The following GALNT14 variants were observed in gnomAD, a reference collection of about 807,000 sequenced individuals.
The protein encoded by GALNT14 is polypeptide N-acetylgalactosaminyltransferase 14, also known as UDP-GalNAc:polypeptide N-acetylgalactosaminyltransferase 14.
Under a neutral mutation model 77.5 loss-of-function variants are expected in GALNT14, and 60 were observed. That is an observed-to-expected ratio of 0.77 (90% CI 0.63 to 0.96). GALNT14 has a LOEUF of 0.96. GALNT14 is among the 40% of genes least tolerant of loss of function. The pLI is 0.00. For missense variants in GALNT14, 710 were observed against 731.0 expected, an observed-to-expected ratio of 0.97 and a Z score of 0.33; for synonymous variants, 280 against 281.7, an observed-to-expected ratio of 0.99 and a Z score of 0.06.
At chr2:31,077,391 C>T (rs1675869942) in intron 1 of GALNT14, among the ~76,000 whole-genome samples, 2 of 152,328 alleles carry the variant, frequency 1.3e-5, no homozygotes, top group South Asian at 2.1e-4. Flanking sequence ...CTACCATCTC[C>T]AGCAGTTTCT....
intron 2 of GALNT14, among the ~76,000 whole-genome samples, chr2:30,969,891 A>G (rs1668243222): frequency 6.6e-6 from 1 of 152,168 alleles, no homozygotes; most frequent in African/African-American, 2.4e-5. Flanking sequence ...GCTAACATTC[A>G]ATACGCATGG....
At chr2:30,945,942 C>T in intron 6 of GALNT14, 72 bp from the exon 7 acceptor site, 1 of 1,259,760 alleles carries the variant, frequency 7.9e-7, no homozygotes, top group Non-Finnish European at 1.2e-6. Context: ...TTGGGATGGC[C>T]TCGTGAGGGT....
At chr2:30,948,486 T>C (rs1333417039) in intron 6 of GALNT14, among the ~76,000 whole-genome samples, 2 of 152,228 alleles carry the variant, frequency 1.3e-5, no homozygotes, top group Admixed American at 6.5e-5. Context: ...ATGGAGACCA[T>C]GAGGGTAGTT....
chr2:31,028,901 G>A (rs895015342), intron 1 of GALNT14, among the ~76,000 whole-genome samples: 1 of 152,184 alleles, frequency 6.6e-6, no homozygotes, highest in African/African-American at 2.4e-5. Context: ...GCTGAGAGTA[G>A]CTTAAAGTTG....
At chr2:30,927,169 G>A (rs939617798) in intron 11 of GALNT14, among the ~76,000 whole-genome samples, 2 of 152,164 alleles carry the variant, frequency 1.3e-5, no homozygotes, top group Non-Finnish European at 2.9e-5. Flanking sequence ...ATCACCTGGT[G>A]TGGGGTCTTT....
the GALNT14 span, among the ~76,000 whole-genome samples, chr2:30,901,376 A>T: frequency 6.6e-6 from 1 of 152,016 alleles, no homozygotes; most frequent in Non-Finnish European, 1.5e-5. Flanking sequence ...TTCACTCAAC[A>T]CCACCATGAC....
Position 31,033,829 on chromosome 2 carries a change from C to A in GALNT14, c.130-40822G>T, listed in dbSNP as rs184930898. On this transcript the variant is annotated intron_variant, in intron 1 of 14. Transcript: ENST00000349752. The stretch of plus-strand genomic sequence containing the variant: ...GAACGCCCTCCCATGTTTTCAGCTG[C>A]CCATTCAACATTTCCACTTGGATGT... 9.8e-3 allele frequency among the ~76,000 whole-genome samples: 1,498 copies of A among 152,286 alleles called. 9 individuals carry two copies. The highest frequency in any genetic ancestry group is 0.02 in the Middle Eastern group (6 of 294).
chr2:31,083,286 G>T (rs369739161), intron 1 of GALNT14, among the ~76,000 whole-genome samples: 41 of 152,150 alleles, frequency 2.7e-4, no homozygotes, highest in Non-Finnish European at 3.5e-4. Flanking sequence ...GGATCAGAGG[G>T]GGGTGGAAGC....
chr2:30,923,056 CT>C (rs56163710), intron 13 of GALNT14, among the ~76,000 whole-genome samples: 3,401 of 116,354 alleles, frequency 0.029, 43 homozygotes, highest in African/African-American at 0.07. Flanking sequence ...ACAAACGTGC[CT>C]TTTTTTTTTT....
intron 2 of GALNT14, among the ~76,000 whole-genome samples, chr2:30,986,609 G>T (rs767963165): frequency 1.3e-5 from 2 of 152,140 alleles, no homozygotes; most frequent in Non-Finnish European, 2.9e-5. Flanking sequence ...TGTAATTGTG[G>T]TTTTTTCCAC....
At chr2:31,072,944 A>G (rs1012741347) in intron 1 of GALNT14, 7 of 152,206 alleles carry the variant, frequency 4.6e-5, no homozygotes, top group Middle Eastern at 3.2e-3. Flanking sequence ...GATGCACAGA[A>G]GATGTCAACA....
intron 14 of GALNT14, among the ~76,000 whole-genome samples, chr2:30,911,490 CAG>C (rs1408232286): frequency 2.6e-5 from 4 of 152,138 alleles, no homozygotes; most frequent in African/African-American, 9.7e-5. Flanking sequence ...CGGGCCAGAG[CAG>C]AGAGGCAGGT....
intron 6 of GALNT14, among the ~76,000 whole-genome samples, chr2:30,954,058 T>A (rs1022227498): frequency 1.3e-5 from 2 of 152,068 alleles, no homozygotes; most frequent in African/African-American, 4.8e-5. Context: ...GTAGTGATCC[T>A]AGCTGGCCAC....
downstream of GALNT14, among the ~76,000 whole-genome samples, chr2:30,910,195 A>G (rs1664275167): frequency 6.6e-6 from 1 of 151,922 alleles, no homozygotes; most frequent in Admixed American, 6.6e-5. Context: ...ATGTACCCTA[A>G]AACTTAAAGT....
intron 2 of GALNT14, among the ~76,000 whole-genome samples, chr2:30,989,510 T>C (rs1364016038): frequency 6.9e-6 from 1 of 144,422 alleles, no homozygotes; most frequent in African/African-American, 2.6e-5. Flanking sequence ...CCTGTAATAA[T>C]AGCAACAACT....
chr2:30,966,491 C>T (rs1668015922), intron 2 of GALNT14, among the ~76,000 whole-genome samples, 189 bp from the exon 3 acceptor site: 1 of 152,150 alleles, frequency 6.6e-6, no homozygotes, highest in Admixed American at 6.5e-5. Flanking sequence ...TGGGGAGCTC[C>T]AAGAATGACT....
At chr2:30,923,300 G>A (rs948391214) in intron 13 of GALNT14, among the ~76,000 whole-genome samples, 1 of 152,098 alleles carries the variant, frequency 6.6e-6, no homozygotes. Context: ...CGGACCTTAG[G>A]TGATCCACCC....
At chr2:30,926,769 T>G (rs2148238200) in intron 11 of GALNT14, among the ~76,000 whole-genome samples, 1 of 151,494 alleles carries the variant, frequency 6.6e-6, no homozygotes, top group East Asian at 2.0e-4. Context: ...AGAAGACTCA[T>G]GCTGATGGGG....
intron 1 of GALNT14, among the ~76,000 whole-genome samples, chr2:31,076,955 A>G (rs1221117316): frequency 6.6e-6 from 1 of 152,202 alleles, no homozygotes; most frequent in Non-Finnish European, 1.5e-5. Flanking sequence ...ATTTTGCACA[A>G]TGCCACTCCA....
Sources: gnomAD v4.1 joint callset for allele counts (sites outside exome capture counted in the v4.1 genomes callset) on GRCh38, gnomAD v4.1.1 for gene constraint, MANE v1.5 for transcripts, NCBI Gene and HGNC (gene_info 2026-07-23, HGNC 2026-07-21) for gene names.